Variants in KCTD8 observed in about 807,000 individuals in gnomAD.
KCTD8 encodes the protein potassium channel tetramerization domain containing 8, also known as BTB/POZ domain-containing protein KCTD8.
In KCTD8, 27 loss-of-function variants were observed where a neutral mutation model predicts 31.5. The observed-to-expected ratio is 0.86, with a 90% CI of 0.63 to 1.18. The LOEUF is 1.18. Ranked by LOEUF, KCTD8 falls within the 50% of genes most tolerant of loss-of-function variation. The probability of loss-of-function intolerance (pLI) is 0.00; values close to 1 mark genes in which losing one functional copy is unlikely to be tolerated. For missense variants in KCTD8, 658 were observed against 647.7 expected (o/e 1.02, Z -0.17); for synonymous variants, 290 against 280.0 (o/e 1.04, Z -0.36).
intron 1 of KCTD8, among the ~76,000 whole-genome samples, chr4:44,196,153 G>A (rs1383421563): frequency 6.6e-6 from 1 of 152,170 alleles, no homozygotes; most frequent in Non-Finnish European, 1.5e-5. Context: ...AAACGCAAAT[G>A]ACAAAGCAAT....
Position 44,343,550 on chromosome 4 carries a change from G to T in KCTD8, c.961+104013C>A, listed in dbSNP as rs549357878. On this transcript the variant is annotated intron_variant, in intron 1 of 1. Transcript: ENST00000360029. The stretch of plus-strand genomic sequence containing the variant: ...GTGAGCACCTGCTGTCTGAAAAATG[G>T]CTTGCTCAACACAGGGTTACCAAAA... 1.6e-4 allele frequency among the ~76,000 whole-genome samples: 24 copies of T among 152,226 alleles called. 1 individual carries two copies. The South Asian group carries it at 4.8e-3, about 30-fold the overall frequency.
chr4:44,448,266 C>T lies in KCTD8; in HGVS notation c.258G>A (p.Arg86=), dbSNP rs770349626. ...PSSPRGGARR[R]GELPRDSRAR... is the part of the protein sequence containing the mutation. ...CCCGGCTGTCCCTGGGCAGCTCGCC[C>T]CGGCGCCGGGCGCCGCCACGGGGAC... Residue 86 remains arginine (R), a synonymous_variant, in exon 1 of 2, where the codon CGG becomes CGA. Transcript: ENST00000360029. This position sits in a 1 kb window ranked among gnomAD's most constrained non-coding sequence, Gnocchi z 4.1. 12 of 1,605,968 alleles carry T rather than the reference C, an allele frequency of 7.5e-6. No homozygotes were observed. The highest frequency in any genetic ancestry group is 6.6e-5 in the South Asian group (6 of 90,422).
intron 1 of KCTD8, among the ~76,000 whole-genome samples, chr4:44,350,979 G>A (rs1719180550): frequency 6.6e-6 from 1 of 151,922 alleles, no homozygotes; most frequent in Non-Finnish European, 1.5e-5. Context: ...GATGTCTCAG[G>A]GTAGATTCCA....
intron 1 of KCTD8, among the ~76,000 whole-genome samples, chr4:44,319,604 T>C (rs558391892): frequency 6.6e-6 from 1 of 152,080 alleles, no homozygotes; most frequent in Admixed American, 6.5e-5. Context: ...TGGAGATGAG[T>C]TGTCTAGTTA....
intron 1 of KCTD8, among the ~76,000 whole-genome samples, chr4:44,202,527 A>G (rs1042896084): frequency 2.0e-5 from 3 of 152,204 alleles, no homozygotes; most frequent in Non-Finnish European, 4.4e-5. Context: ...TTATGCAGAA[A>G]CAGAAAACCA....
chr4:44,253,270 T>A (rs1715896787), intron 1 of KCTD8, among the ~76,000 whole-genome samples: 1 of 151,850 alleles, frequency 6.6e-6, no homozygotes, highest in Admixed American at 6.6e-5. Flanking sequence ...GCCATGTTCA[T>A]GAGACAGTTT....
intron 1 of KCTD8, among the ~76,000 whole-genome samples, chr4:44,254,752 C>T (rs1161295268): frequency 1.3e-5 from 2 of 151,874 alleles, no homozygotes; most frequent in African/African-American, 4.8e-5. Context: ...GTCTCAGATG[C>T]TCTACCTATT....
chr4:44,356,593 C>T (rs1264166869), intron 1 of KCTD8, among the ~76,000 whole-genome samples: 1 of 152,144 alleles, frequency 6.6e-6, no homozygotes, highest in East Asian at 1.9e-4. Flanking sequence ...CCTGCCTCAG[C>T]CTGCCGAGTA....
intron 1 of KCTD8, among the ~76,000 whole-genome samples, chr4:44,338,477 A>G (rs1048932900): frequency 2.0e-5 from 3 of 152,164 alleles, no homozygotes; most frequent in Non-Finnish European, 4.4e-5. Flanking sequence ...ACAATATGCA[A>G]CTTATGCTTT....
intron 1 of KCTD8, among the ~76,000 whole-genome samples, chr4:44,274,506 A>G (rs1716697930): frequency 6.6e-6 from 1 of 151,850 alleles, no homozygotes; most frequent in Admixed American, 6.6e-5. Flanking sequence ...GAAACATCAC[A>G]TTATACTGCA....
chr4:44,424,667 T>C (rs957706239), intron 1 of KCTD8, among the ~76,000 whole-genome samples: 1 of 152,008 alleles, frequency 6.6e-6, no homozygotes, highest in East Asian at 1.9e-4. Flanking sequence ...GTCACATGAA[T>C]GTTTCCCTAA....
intron 1 of KCTD8, among the ~76,000 whole-genome samples, chr4:44,297,379 T>G (rs1717465958): frequency 6.6e-6 from 1 of 152,170 alleles, no homozygotes; most frequent in African/African-American, 2.4e-5. Flanking sequence ...CATGGTCCCC[T>G]GTTTCTCAGA....
intron 1 of KCTD8, among the ~76,000 whole-genome samples, chr4:44,250,876 A>G (rs961194511): frequency 2.6e-5 from 4 of 151,722 alleles, no homozygotes; most frequent in Non-Finnish European, 5.9e-5. Flanking sequence ...TCATTTACTT[A>G]GTGTGTCTTG....
chr4:44,197,567 T>C (rs1369446188), intron 1 of KCTD8, among the ~76,000 whole-genome samples: 2 of 152,166 alleles, frequency 1.3e-5, no homozygotes, highest in Admixed American at 6.5e-5. Context: ...TAATTTGCCA[T>C]GATACAGCAC....
intron 1 of KCTD8, among the ~76,000 whole-genome samples, chr4:44,224,214 A>G (rs1416101031): frequency 6.6e-6 from 1 of 152,242 alleles, no homozygotes; most frequent in African/African-American, 2.4e-5. Flanking sequence ...TGAATAAAAT[A>G]TACATACTTA....
chr4:44,323,505 C>A (rs924918727), intron 1 of KCTD8, among the ~76,000 whole-genome samples: 1 of 132,658 alleles, frequency 7.5e-6, no homozygotes, highest in African/African-American at 2.8e-5. Flanking sequence ...CACCCACCCC[C>A]CCCCAAAAAA....
At position 44,174,617 on chromosome 4, in the gene KCTD8, G is replaced by T; in HGVS notation, c.*173C>A. 1 of 488,662 alleles carries T rather than the reference G, an allele frequency of 2.0e-6. No homozygotes were observed. Among genetic ancestry groups the T allele is most frequent in the Non-Finnish European group, 3.5e-6 (1 of 284,144 alleles). The allele number at this position is 488,662 out of a possible 1,614,324, so 30.3% of individuals were successfully genotyped here. A position where few individuals can be genotyped will look rare whatever the true frequency, so the allele number is the denominator to read the frequency against. On this transcript the variant is annotated 3_prime_UTR_variant, in exon 2 of 2. Transcript: ENST00000360029. ...TTAATATTTTTTCCTTTTTAATCAT[G>T]TTTCTAAAAAGAACAACAACTAAAA... is the stretch of plus-strand genomic sequence containing the variant.
intron 1 of KCTD8, among the ~76,000 whole-genome samples, chr4:44,257,568 T>C (rs1358915804): frequency 1.3e-5 from 2 of 152,028 alleles, no homozygotes; most frequent in African/African-American, 4.8e-5. Context: ...TCTTTCTAAT[T>C]ATTTTTCCCT....
intron 1 of KCTD8, among the ~76,000 whole-genome samples, chr4:44,341,293 G>A (rs570991814): frequency 6.6e-6 from 1 of 152,298 alleles, no homozygotes; most frequent in South Asian, 2.1e-4. Flanking sequence ...ATGTTGATGG[G>A]TGCAGACTGA....
Sources: gnomAD v4.1 joint callset for allele counts (sites outside exome capture counted in the v4.1 genomes callset) on GRCh38, gnomAD v4.1.1 for gene constraint, Gnocchi (gnomAD v3.1) non-coding constraint, MANE v1.5 for transcripts, NCBI Gene and HGNC (gene_info 2026-07-23, HGNC 2026-07-21) for gene names.